Variants in CMIP observed in about 807,000 individuals in gnomAD.
CMIP encodes the protein C-Maf-inducing protein.
CMIP carries 13 observed loss-of-function variants against 97.3 expected under a neutral mutation model. The ratio of observed to expected loss-of-function variants is 0.13; its 90% CI spans 0.09 to 0.21. The LOEUF (loss-of-function observed/expected upper bound fraction) is 0.21. CMIP is among the 10% of genes least tolerant of loss of function. The pLI, the probability that CMIP is intolerant of heterozygous loss-of-function variation, is 1.00. For synonymous variants in CMIP, 538 were observed against 436.3 expected (o/e 1.23, Z -2.91); for missense variants, 847 against 1,024.9 (o/e 0.83, Z 2.37).
intron 4 of CMIP, among the ~76,000 whole-genome samples, chr16:81,656,424 T>G (rs1395224601): frequency 1.3e-5 from 2 of 152,236 alleles, no homozygotes; most frequent in Non-Finnish European, 2.9e-5. Context: ...AATGTGGCTC[T>G]TTTAGGAAAT....
chr16:81,691,526 C>G (rs1318459926), intron 10 of CMIP: 1 of 565,450 alleles, frequency 1.8e-6, no homozygotes. Flanking sequence ...ATTGTGAAGT[C>G]TGGGGAATAG....
intron 1 of CMIP, among the ~76,000 whole-genome samples, chr16:81,579,122 A>C (rs2150902364): frequency 6.6e-6 from 1 of 152,302 alleles, no homozygotes; most frequent in East Asian, 1.9e-4. Flanking sequence ...TCTGTGCCTC[A>C]GTTTCCCCTG....
At chr16:81,576,351 C>A (rs892588548) in intron 1 of CMIP, among the ~76,000 whole-genome samples, 2 of 152,096 alleles carry the variant, frequency 1.3e-5, no homozygotes, top group Non-Finnish European at 2.9e-5. Flanking sequence ...TTGCAGTGAG[C>A]TGAGATCACG....
At chr16:81,473,214 G>A (rs778352397) in intron 1 of CMIP, among the ~76,000 whole-genome samples, 2 of 152,244 alleles carry the variant, frequency 1.3e-5, no homozygotes, top group Non-Finnish European at 2.9e-5. Flanking sequence ...TCTGCAGGAC[G>A]ACGTGAACAG....
rs151168098 is a variant in CMIP, at chr16:81,549,243, T to C, written c.301-58324T>C. On this transcript the variant is annotated intron_variant, in intron 1 of 20. Coordinates refer to ENST00000537098, the MANE Select transcript of CMIP (RefSeq NM_198390.3). Reference sequence around the variant, plus strand: ...AGCACCTGGGTGACCAGCCTGAGGGTTGATGGAGCCATTTGTATTTCTTAG... The same window carrying C: ...AGCACCTGGGTGACCAGCCTGAGGGCTGATGGAGCCATTTGTATTTCTTAG... Among the ~76,000 whole-genome samples, 1,182 of 152,192 alleles carry C rather than the reference T, an allele frequency of 7.8e-3. 10 individuals are homozygous for C. Among genetic ancestry groups the C allele is most frequent in the Non-Finnish European group, 0.01 (707 of 67,998 alleles).
intron 1 of CMIP, among the ~76,000 whole-genome samples, chr16:81,477,053 G>A (rs764950564): frequency 1.2e-4 from 19 of 152,218 alleles, no homozygotes; most frequent in East Asian, 1.9e-4. Context: ...TTCATGCCGC[G>A]TTGAGCTGAG....
chr16:81,696,496 T>C, intron 13 of CMIP, 64 bp from the exon 14 acceptor site: 1 of 1,491,196 alleles, frequency 6.7e-7, no homozygotes, highest in Non-Finnish European at 9.1e-7. Flanking sequence ...TGTGTGCAGA[T>C]CATGGTCGCC....
intron 1 of CMIP, among the ~76,000 whole-genome samples, chr16:81,468,561 G>A (rs1285138623): frequency 1.3e-5 from 2 of 152,276 alleles, no homozygotes; most frequent in African/African-American, 4.8e-5. Flanking sequence ...CAGCAGTTAG[G>A]CATCGTGCCT....
chr16:81,505,736 A>G (rs1488768656), intron 1 of CMIP, among the ~76,000 whole-genome samples: 3 of 152,226 alleles, frequency 2.0e-5, no homozygotes, highest in South Asian at 4.1e-4. Context: ...CATGCCTGTA[A>G]TCCCAGCACT....
intron 3 of CMIP, among the ~76,000 whole-genome samples, chr16:81,625,537 G>A (rs1054043496): frequency 2.0e-5 from 3 of 152,252 alleles, no homozygotes; most frequent in African/African-American, 7.2e-5. Context: ...AGTCTGTGGG[G>A]CAAGGCCAAG....
chr16:81,568,464 C>T (rs933021743), intron 1 of CMIP, among the ~76,000 whole-genome samples: 47 of 152,258 alleles, frequency 3.1e-4, no homozygotes, highest in African/African-American at 1.0e-3. Context: ...GCTGGGGCCC[C>T]GGGCAAGGGC....
intron 2 of CMIP, among the ~76,000 whole-genome samples, chr16:81,615,056 G>T (rs569889168): frequency 4.0e-5 from 6 of 150,374 alleles, no homozygotes; most frequent in East Asian, 2.0e-4. Context: ...CTGTGTGTCT[G>T]TGTGAGGTGT....
At chr16:81,571,763 A>T (rs2091094071) in intron 1 of CMIP, among the ~76,000 whole-genome samples, 1 of 152,170 alleles carries the variant, frequency 6.6e-6, no homozygotes, top group South Asian at 2.1e-4. Context: ...ATTCAGCACC[A>T]TGGCTGCTCA....
chr16:81,643,742 A>G (rs1393135563), intron 3 of CMIP, among the ~76,000 whole-genome samples: 3 of 152,222 alleles, frequency 2.0e-5, no homozygotes, highest in Non-Finnish European at 4.4e-5. Flanking sequence ...CAGTGAGCCG[A>G]GGTCATGCCA....
chr16:81,624,335 A>C (rs1250333270), intron 3 of CMIP, among the ~76,000 whole-genome samples: 1 of 152,148 alleles, frequency 6.6e-6, no homozygotes, highest in East Asian at 1.9e-4. Flanking sequence ...AACGTTAGGT[A>C]TATCTCCTAA....
chr16:81,585,967 G>A (rs2091375360), intron 1 of CMIP, among the ~76,000 whole-genome samples: 1 of 152,188 alleles, frequency 6.6e-6, no homozygotes, highest in Non-Finnish European at 1.5e-5. Flanking sequence ...TGGTGCCCAG[G>A]GCGCTGCCGG....
At chr16:81,495,321 G>C (rs2089469080) in intron 1 of CMIP, 1 of 1,459,418 alleles carries the variant, frequency 6.9e-7, no homozygotes, top group African/African-American at 1.4e-5. Flanking sequence ...GGCTGGTTCA[G>C]TGATAAGCAG....
rs1446221991 is a variant in CMIP at position 81,710,275 on chromosome 16, C to G, written c.*476C>G. 1 of 188,168 alleles carries G rather than the reference C, an allele frequency of 5.3e-6. No individual in the cohort carries two copies. The highest frequency in any genetic ancestry group is 1.1e-5 in the Non-Finnish European group (1 of 88,406). 11.7% of individuals were successfully genotyped at this position (188,168 alleles called of 1,614,324 possible). ...AGAAGACCCAGTCACATCACTGCAC[C>G]CGTCCTGTGTCCTCACCATTGCTAT... is the stretch of plus-strand genomic sequence containing the variant. On this transcript the variant is annotated 3_prime_UTR_variant, in exon 21 of 21. Transcript: ENST00000537098.
chr16:81,615,351 G>GGT (rs1464324485), intron 2 of CMIP, among the ~76,000 whole-genome samples: 2 of 148,970 alleles, frequency 1.3e-5, no homozygotes, highest in Middle Eastern at 3.6e-3. Flanking sequence ...TTGTGTGTGT[G>GGT]GTATGTGTGC....
Sources: allele counts gnomAD v4.1 joint callset (sites outside exome capture counted in the v4.1 genomes callset), GRCh38; gene constraint gnomAD v4.1.1; transcripts MANE v1.5; gene names NCBI Gene and HGNC (gene_info 2026-07-23, HGNC 2026-07-21).